RNF43: variants seen among roughly 807,000 people sequenced by gnomAD.
RNF43 encodes E3 ubiquitin-protein ligase RNF43.
Under a neutral mutation model 78.4 loss-of-function variants are expected in RNF43, and 37 were observed. The ratio of observed to expected loss-of-function variants is 0.47; its 90% CI spans 0.36 to 0.62. RNF43 has a LOEUF of 0.62. RNF43 is among the 20% of genes least tolerant of loss of function. The pLI is 0.00. For synonymous variants in RNF43, 347 were observed against 395.0 expected, an observed-to-expected ratio of 0.88 and a Z score of 1.44; for missense variants, 774 against 1,007.9, an observed-to-expected ratio of 0.77 and a Z score of 3.14.
At chr17:58,384,246 T>C (rs898679118) in intron 2 of RNF43, among the ~76,000 whole-genome samples, 3 of 152,258 alleles carry the variant, frequency 2.0e-5, no homozygotes, top group Admixed American at 2.0e-4. Context: ...TTGGCTCTGA[T>C]GAATAGGAGT....
At chr17:58,355,043 TTC>T in intron 9 of RNF43, 57 bp from the exon 10 acceptor site, 2 of 1,445,458 alleles carry the variant, frequency 1.4e-6, no homozygotes, top group Non-Finnish European at 9.7e-7. Context: ...AGGGACCTGC[TTC>T]TCTCGCCTGC....
chr17:58,412,087 C>T (rs781278700), intron 2 of RNF43, among the ~76,000 whole-genome samples: 72 of 151,882 alleles, frequency 4.7e-4, no homozygotes, highest in Non-Finnish European at 3.5e-4. Context: ...AAATACCAAT[C>T]CAGAATAGCA....
intron 2 of RNF43, chr17:58,402,796 T>C (rs1158867329): frequency 6.6e-6 from 1 of 152,186 alleles, no homozygotes; most frequent in African/African-American, 2.4e-5. Flanking sequence ...AGTAAGTTCT[T>C]CCTTGATTTA....
intron 2 of RNF43, among the ~76,000 whole-genome samples, chr17:58,401,112 C>A (rs1359022799): frequency 2.6e-5 from 4 of 152,082 alleles, no homozygotes; most frequent in African/African-American, 4.8e-5. Flanking sequence ...TTGGGGAGAA[C>A]ATACTTTCCT....
chr17:58,405,826 C>A (rs1973901788), intron 2 of RNF43, among the ~76,000 whole-genome samples: 1 of 152,206 alleles, frequency 6.6e-6, no homozygotes, highest in Non-Finnish European at 1.5e-5. Context: ...ATCTGGCATT[C>A]AATACATAAT....
rs1972799010 is a variant in RNF43 at position 58,360,097 on chromosome 17, C to T, written c.952+52G>A. 7.1e-7 allele frequency: 1 copy of T among 1,405,344 alleles called. No individual in the cohort carries two copies. The allele number at this position is 1,405,344 out of a possible 1,614,324, so 87.1% of individuals were successfully genotyped here. A position where few individuals can be genotyped will look rare whatever the true frequency, so the allele number is the denominator to read the frequency against. On this transcript the variant is annotated intron_variant, in intron 8 of 9. Transcript: ENST00000407977. This position sits in a 1 kb window ranked among gnomAD's most constrained non-coding sequence, Gnocchi z 4.3. ...GCAACCCTTTCCCAAAGGGAAGCCA[C>T]ATTCTAGACCTGTCTGCCTACACAG...
At chr17:58,373,760 A>G (rs1973148582) in intron 2 of RNF43, among the ~76,000 whole-genome samples, 1 of 152,130 alleles carries the variant, frequency 6.6e-6, no homozygotes. Context: ...ACTAGGCCTT[A>G]TTCATTCATT....
intron 3 of RNF43, among the ~76,000 whole-genome samples, chr17:58,368,416 T>C (rs1393969748): frequency 1.3e-5 from 2 of 151,980 alleles, no homozygotes; most frequent in African/African-American, 4.8e-5. Flanking sequence ...GGCGTGGTGG[T>C]GGGCACCTGT....
chr17:58,390,327 T>A (rs774300396), intron 2 of RNF43, among the ~76,000 whole-genome samples: 20 of 152,264 alleles, frequency 1.3e-4, no homozygotes, highest in South Asian at 4.1e-4. Flanking sequence ...TTAAAAAAAA[T>A]TTTCTAGAAG....
intron 2 of RNF43, among the ~76,000 whole-genome samples, chr17:58,403,813 T>G (rs1468600699): frequency 6.6e-6 from 1 of 152,188 alleles, no homozygotes; most frequent in Non-Finnish European, 1.5e-5. Context: ...GTATAAGTAT[T>G]CAGCTTATCT....
At chr17:58,397,956 A>G (rs1973719891) in intron 2 of RNF43, among the ~76,000 whole-genome samples, 1 of 152,234 alleles carries the variant, frequency 6.6e-6, no homozygotes, top group Non-Finnish European at 1.5e-5. Context: ...AATTTCTGAC[A>G]AACAACTTTG....
intron 2 of RNF43, among the ~76,000 whole-genome samples, chr17:58,394,666 G>A (rs1434313760): frequency 6.6e-6 from 1 of 152,168 alleles, no homozygotes; most frequent in Non-Finnish European, 1.5e-5. Flanking sequence ...CCAACAAAAG[G>A]GTAGAAGGAC....
chr17:58,362,886 TG>T (rs1972867418), intron 5 of RNF43, among the ~76,000 whole-genome samples: 2 of 152,058 alleles, frequency 1.3e-5, no homozygotes, highest in Non-Finnish European at 2.9e-5. Context: ...CCCATGTGCT[TG>T]GGGAAAAAAG....
intron 2 of RNF43, among the ~76,000 whole-genome samples, chr17:58,379,868 C>T (rs1973277554): frequency 6.6e-6 from 1 of 152,214 alleles, no homozygotes; most frequent in East Asian, 1.9e-4. Context: ...TATATTCTCA[C>T]ATGGAAACAG....
chr17:58,393,068 G>A (rs552900092), intron 2 of RNF43, among the ~76,000 whole-genome samples: 1 of 152,304 alleles, frequency 6.6e-6, no homozygotes, highest in South Asian at 2.1e-4. Flanking sequence ...AGACAAGGAG[G>A]ATGAAGACCT....
At chr17:58,409,391 T>C (rs1043201408) in intron 2 of RNF43, among the ~76,000 whole-genome samples, 12 of 152,048 alleles carry the variant, frequency 7.9e-5, no homozygotes, top group African/African-American at 2.7e-4. Flanking sequence ...ATATTACTCA[T>C]CTATAACATT....
intron 2 of RNF43, among the ~76,000 whole-genome samples, chr17:58,406,285 C>T (rs895510009): frequency 6.6e-6 from 1 of 151,950 alleles, no homozygotes; most frequent in Admixed American, 6.6e-5. Flanking sequence ...TGCAGTGACC[C>T]CAAAAGGTTT....
intron 9 of RNF43, chr17:58,356,965 C>G (rs1334912379): frequency 2.4e-6 from 1 of 424,080 alleles, no homozygotes; most frequent in African/African-American, 2.2e-5. Flanking sequence ...GCCATCTTGG[C>G]TCACTGCAAC....
chr17:58,409,452 A>G (rs1025158603), intron 2 of RNF43, among the ~76,000 whole-genome samples: 2 of 152,246 alleles, frequency 1.3e-5, no homozygotes, highest in African/African-American at 4.8e-5. Flanking sequence ...AGGGAAAAAA[A>G]CATTTAAAAA....
Sources: gnomAD v4.1 joint callset for allele counts (sites outside exome capture counted in the v4.1 genomes callset) on GRCh38, gnomAD v4.1.1 for gene constraint, Gnocchi (gnomAD v3.1) non-coding constraint, MANE v1.5 for transcripts, NCBI Gene and HGNC (gene_info 2026-07-23, HGNC 2026-07-21) for gene names.